Variants in POLR1C observed in about 807,000 individuals in gnomAD.
The protein encoded by POLR1C is RNA polymerase I and III subunit C, also known as DNA-directed RNA polymerases I and III subunit RPAC1.
In POLR1C, 42 loss-of-function variants were observed where a neutral mutation model predicts 38.3. The observed-to-expected ratio is 1.10, with a 90% CI of 0.86 to 1.42. POLR1C has a LOEUF of 1.42. Among genes scored for constraint, POLR1C ranks in the 40% most tolerant of loss-of-function variants. The pLI is 0.00. For synonymous variants in POLR1C, 163 were observed against 163.9 expected (o/e 0.99, Z 0.04); for missense variants, 507 against 450.5 (o/e 1.13, Z -1.14).
chr6:43,525,911 C>T (rs746907635), downstream of POLR1C: 16 of 1,613,868 alleles, frequency 9.9e-6, no homozygotes, highest in African/African-American at 1.3e-5. Context: ...CTGTGGCCAT[C>T]ATTTCTTCAT....
chr6:43,530,665 T>G, downstream of POLR1C: 1 of 1,610,300 alleles, frequency 6.2e-7, no homozygotes, highest in Non-Finnish European at 8.5e-7. Context: ...TTTTGGGTTA[T>G]GTAGAGACTT....
Position 43,520,414 on chromosome 6 carries a change from T to A in POLR1C, c.642T>A (p.Cys214Ter). 1 of 1,613,602 alleles carries A rather than the reference T, an allele frequency of 6.2e-7. No individual in the cohort carries two copies. The highest frequency in any genetic ancestry group is 8.5e-7 in the Non-Finnish European group (1 of 1,180,018). The change falls in exon 6 of 9, where the codon TGT (cysteine) becomes TGA (stop). Residue 214 changes from cysteine (C) to a stop codon, truncating the protein, a stop_gained. Transcript: ENST00000642195. LOFTEE classifies it high-confidence loss of function. ...PGQEIDLLMH[C>*]VKGIGKDHAK... is the part of the protein sequence containing the mutation. The stretch of plus-strand genomic sequence containing the variant: ...AAGAAATTGACCTGCTCATGCACTG[T>A]GTCAAGGGCATTGGTGAGAACCCTG...
Position 43,519,383 on chromosome 6 carries a change from C to T in POLR1C, c.192C>T (p.Asp64=), listed in dbSNP as rs1169666251. The T allele has an allele frequency of 1.2e-6, 2 of 1,613,974 alleles. No homozygotes were observed. Among genetic ancestry groups the T allele is most frequent in the South Asian group, 1.1e-5 (1 of 91,082 alleles). ...VHMDENSLEF[D]MVGIDAAIAN... Reference sequence around the variant, plus strand: ...TGGATGAAAACTCACTGGAGTTTGACATGGTGGGAATTGACGCAGCCATTG... The same window carrying T: ...TGGATGAAAACTCACTGGAGTTTGATATGGTGGGAATTGACGCAGCCATTG... The change falls in exon 3 of 9, where the codon GAC becomes GAT. Residue 64 remains aspartate (D), a synonymous_variant. Coordinates refer to ENST00000642195, the MANE Select transcript of POLR1C (RefSeq NM_203290.4).
chr6:43,547,710 G>A (rs760354757), intron 9 of POLR1C: 12 of 1,613,564 alleles, frequency 7.4e-6, no homozygotes, highest in South Asian at 1.1e-5. Flanking sequence ...ACAGCACTCT[G>A]AAGGTTGGAG....
chr6:43,520,565 G>A (rs1402880162), intron 6 of POLR1C, 60 bp from the exon 7 acceptor site: 2 of 1,598,434 alleles, frequency 1.3e-6, no homozygotes, highest in Admixed American at 3.3e-5. Flanking sequence ...TAGCTTAGGA[G>A]GAGTATTCTT....
downstream of POLR1C, chr6:43,521,657 T>C: frequency 2.8e-6 from 1 of 351,128 alleles, no homozygotes; most frequent in Non-Finnish European, 5.4e-6. Flanking sequence ...GAGTAGCTGA[T>C]GCTACAGGCA....
At chr6:43,524,742 T>C (rs1582190462), downstream of POLR1C, 5 of 1,586,814 alleles carry the variant, frequency 3.2e-6, no homozygotes, top group East Asian at 1.1e-4. Context: ...ATTTGGCAGG[T>C]GCCTGAATTT....
At position 43,539,000 on chromosome 6, in the gene POLR1C, T is replaced by C. The variant is rs1049652082; in HGVS notation, c.*4+9641T>C. The stretch of plus-strand genomic sequence containing the variant: ...GGCATCAAAGGTGGCCTTGGCGAAG[T>C]TGCCCAGGGTGGCAGTGCAGCCCTG... On this transcript the variant is annotated intron_variant, in intron 9 of 10. Transcript: ENST00000607635. 10 of 1,522,088 alleles carry C rather than the reference T, an allele frequency of 6.6e-6. No individual in the cohort carries two copies. In the East Asian group the frequency reaches 6.7e-5, roughly 10 times the overall value. 94.3% of individuals were successfully genotyped at this position (1,522,088 alleles called of 1,614,324 possible). A position where few individuals can be genotyped will look rare whatever the true frequency, so the allele number is the denominator to read the frequency against.
downstream of POLR1C, chr6:43,524,760 G>A: frequency 1.3e-6 from 2 of 1,595,770 alleles, no homozygotes; most frequent in Non-Finnish European, 1.7e-6. Flanking sequence ...TTTAGGATAA[G>A]GCCCAAGAGA....
chr6:43,526,252 C>T (rs943453409), downstream of POLR1C: 3 of 380,180 alleles, frequency 7.9e-6, no homozygotes, highest in African/African-American at 4.0e-5. Flanking sequence ...ACAATAGGTC[C>T]CTTCCCTGAT....
intron 10 of POLR1C, chr6:43,555,808 C>T (rs1762049877): frequency 1.9e-6 from 3 of 1,613,204 alleles, no homozygotes; most frequent in Non-Finnish European, 2.5e-6. Flanking sequence ...TAACATTTCA[C>T]TAACATTCAG....
At chr6:43,561,046 G>T in intron 10 of POLR1C, 1 of 1,510,280 alleles carries the variant, frequency 6.6e-7, no homozygotes, top group Non-Finnish European at 9.2e-7. Context: ...TGTTGATCGA[G>T]AAAAGCAGGA....
intron 9 of POLR1C, chr6:43,549,428 G>A: frequency 6.7e-7 from 1 of 1,494,330 alleles, no homozygotes; most frequent in Non-Finnish European, 9.0e-7. Context: ...TACACTGAAA[G>A]CTGGATTTAC....
chr6:43,553,691 A>G, intron 10 of POLR1C: 1 of 1,300,614 alleles, frequency 7.7e-7, no homozygotes, highest in Non-Finnish European at 9.9e-7. Context: ...GCTGAAAGCA[A>G]TGAGGTAGGT....
In POLR1C at chr6:43,529,266, G is replaced by C. The variant is rs1305456352; in HGVS notation, c.940G>C (p.Ala314Pro). The C allele has an allele frequency of 1.5e-6, 2 of 1,359,434 alleles. No individual in the cohort carries two copies. Among genetic ancestry groups the C allele is most frequent in the African/African-American group, 3.0e-5 (2 of 67,594 alleles). The allele number at this position is 1,359,434 out of a possible 1,614,324, so 84.2% of individuals were successfully genotyped here. The change falls in exon 9 of 9, where the codon GCT becomes CCT. Residue 314 changes from alanine to proline, a missense_variant. By Grantham distance (27) the Ala-to-Pro change is conservative. Coordinates refer to the POLR1C transcript ENST00000304004. ...AATTTCAGGTAAGAAAGATTTGCTG[G>C]CTGCGGTGGCTCACACCTGTAATCC...
chr6:43,551,615 C>CT (rs1242414403), intron 10 of POLR1C, among the ~76,000 whole-genome samples: 2 of 152,286 alleles, frequency 1.3e-5, no homozygotes, highest in African/African-American at 4.8e-5. Context: ...ACCTCAAACT[C>CT]TTGAGCTCAA....
chr6:43,519,124 T>C (rs781495581), intron 2 of POLR1C: 66 of 612,226 alleles, frequency 1.1e-4, no homozygotes, highest in Non-Finnish European at 1.8e-4. Flanking sequence ...CCATATTGCA[T>C]AGGGTTTTAA....
downstream of POLR1C, chr6:43,533,898 ATT>A (rs1373496657): frequency 1.3e-6 from 2 of 1,588,292 alleles, no homozygotes; most frequent in Non-Finnish European, 1.7e-6. Context: ...AAAAGGTTAC[ATT>A]TCTTACCTAA....
downstream of POLR1C, chr6:43,525,384 C>T (rs953327671): frequency 6.3e-6 from 4 of 638,734 alleles, no homozygotes; most frequent in African/African-American, 7.4e-5. Flanking sequence ...GCTATTCTCC[C>T]ATCTAAGCCT....
Sources: allele counts gnomAD v4.1 joint callset (sites outside exome capture counted in the v4.1 genomes callset), GRCh38; gene constraint gnomAD v4.1.1; transcripts MANE v1.5; gene names NCBI Gene and HGNC (gene_info 2026-07-23, HGNC 2026-07-21).